The following ADCY10 variants were observed in gnomAD, a reference collection of about 807,000 sequenced individuals.
ADCY10 encodes adenylate cyclase 10.
A neutral mutation model predicts 183.3 loss-of-function variants in ADCY10; 156 were observed. The observed-to-expected ratio is 0.85, with a 90% confidence interval of 0.75 to 0.97. ADCY10 has a LOEUF of 0.97. Ranked by LOEUF, ADCY10 falls within the 50% of genes least tolerant of loss-of-function variation. ADCY10 has a pLI of 0.00. For synonymous variants in ADCY10, 645 were observed against 670.0 expected (o/e 0.96, Z 0.58); for missense variants, 1,745 against 1,934.3 (o/e 0.90, Z 1.84).
intron 13 of ADCY10, among the ~76,000 whole-genome samples, chr1:167,872,347 TAA>T (rs1667166700): frequency 7.0e-6 from 1 of 142,220 alleles, no homozygotes; most frequent in Non-Finnish European, 1.5e-5. Context: ...TCAAAAAAAA[TAA>T]AGTTTCCTAA....
At chr1:167,909,995 G>T (rs893083974) in intron 1 of ADCY10, among the ~76,000 whole-genome samples, 1 of 152,128 alleles carries the variant, frequency 6.6e-6, no homozygotes, top group African/African-American at 2.4e-5. Flanking sequence ...GCTATCTACA[G>T]ATCTCAATCT....
intron 13 of ADCY10, among the ~76,000 whole-genome samples, chr1:167,874,602 G>A (rs530001507): frequency 2.6e-4 from 37 of 141,944 alleles, no homozygotes; most frequent in Non-Finnish European, 4.5e-4. Context: ...TCAGTCCTAC[G>A]TTTTACTCCT....
Position 167,846,205 on chromosome 1 carries a change from A to G in ADCY10, c.2496T>C (p.Cys832=). ...TGAAGGTCAGGCCAATGATGGCAGCACATCTCACCAGCATTTGGTGGGAAA... is the reference window on the plus strand; with the variant it reads ...TGAAGGTCAGGCCAATGATGGCAGCGCATCTCACCAGCATTTGGTGGGAAA... ...MRLSHQMLVR[C]AAIIGLTFTT... is the part of the protein sequence containing the mutation. The change falls in exon 20 of 33, where the codon TGT becomes TGC. Residue 832 remains cysteine, a synonymous_variant. Transcript: ENST00000367851. The G allele has an allele frequency of 6.2e-7, 1 of 1,614,238 alleles. No homozygotes were observed. Among genetic ancestry groups the G allele is most frequent in the Non-Finnish European group, 8.5e-7 (1 of 1,180,052 alleles).
intron 8 of ADCY10, among the ~76,000 whole-genome samples, chr1:167,891,187 C>T (rs1165762662): frequency 2.0e-5 from 3 of 151,882 alleles, no homozygotes; most frequent in African/African-American, 7.3e-5. Flanking sequence ...GTCTTGAACT[C>T]CTGACCTGGT....
At chr1:167,888,410 A>AT (rs930197268) in intron 8 of ADCY10, among the ~76,000 whole-genome samples, 92 of 146,518 alleles carry the variant, frequency 6.3e-4, no homozygotes, top group East Asian at 1.4e-3. Context: ...AATATCTTTC[A>AT]TTTTTTTTTT....
At chr1:167,851,437 T>A (rs1050126135) in intron 18 of ADCY10, among the ~76,000 whole-genome samples, 4 of 152,142 alleles carry the variant, frequency 2.6e-5, no homozygotes, top group Admixed American at 6.5e-5. Flanking sequence ...TCCGCCCGCC[T>A]CAGACTCCCA....
At chr1:167,885,436 T>G (rs1668153666) in intron 8 of ADCY10, among the ~76,000 whole-genome samples, 1 of 152,230 alleles carries the variant, frequency 6.6e-6, no homozygotes, top group African/African-American at 2.4e-5. Context: ...TTTTTCCACA[T>G]CCTGTCCAGC....
rs549383397 is a variant in ADCY10, at chr1:167,810,151, A to G, written c.4672-312T>C. ...AAGACACGCAGACAGATGTAACACAAAGTGGAAAGTGGCCACAAAGAAGGG... is the reference window on the plus strand; with the variant it reads ...AAGACACGCAGACAGATGTAACACAGAGTGGAAAGTGGCCACAAAGAAGGG... On this transcript the variant is annotated intron_variant, in intron 32 of 32. Coordinates refer to ENST00000367851, the MANE Select transcript of ADCY10 (RefSeq NM_018417.6). 1.6e-4 allele frequency among the ~76,000 whole-genome samples: 24 copies of G among 152,340 alleles called. 1 individual carries two copies. The South Asian group carries it at 4.4e-3, about 28-fold the overall frequency.
intron 23 of ADCY10, among the ~76,000 whole-genome samples, chr1:167,835,821 C>T (rs1181685087): frequency 6.6e-6 from 1 of 152,158 alleles, no homozygotes; most frequent in Admixed American, 6.5e-5. Flanking sequence ...TCCCGGGAGG[C>T]AGACGTTGCA....
At chr1:167,861,095 A>T (rs758496739) in intron 14 of ADCY10, 32 bp from the exon 15 acceptor site, 17 of 1,571,150 alleles carry the variant, frequency 1.1e-5, no homozygotes, top group South Asian at 3.4e-5. Context: ...AACAGAAGAG[A>T]GTTTTTAAAT....
Position 167,880,201 on chromosome 1 carries a change from G to A in ADCY10, c.1140-10C>T, listed in dbSNP as rs1667772823. 1 of 1,609,854 alleles carries A rather than the reference G, an allele frequency of 6.2e-7. No homozygotes were observed. Among genetic ancestry groups the A allele is most frequent in the South Asian group, 1.1e-5 (1 of 90,340 alleles). On this transcript the variant is annotated splice_polypyrimidine_tract_variant and intron_variant, in intron 10 of 32. Transcript: ENST00000367851. ...ACCGATGGATACAGTTCTGGTGCAG[G>A]GGAGACAAGATTTGTGGGGAAAGAA...
At chr1:167,904,143 AATGGT>A in intron 2 of ADCY10, 152 bp from the exon 3 acceptor site, 2 of 571,686 alleles carry the variant, frequency 3.5e-6, no homozygotes, top group Non-Finnish European at 6.1e-6. Context: ...GCTGGAGGGC[AATGGT>A]GTGATCTCAG....
At position 167,853,830 on chromosome 1, in the gene ADCY10, C is replaced by CTTTTTTTTTTTTT. The variant is rs538462140; in HGVS notation, c.2308+510_2308+522dup. On this transcript the variant is annotated intron_variant, in intron 18 of 32. Transcript: ENST00000367851. ...TGTTCTTTCATTTCTACTATAGTTA[C>CTTTTTTTTTTTTT]TTTTTTTTTTTTTTTTTTTTTTTTT... Among the ~76,000 whole-genome samples, 614 of 77,172 alleles carry CTTTTTTTTTTTTT rather than the reference C, an allele frequency of 8.0e-3. 75 individuals carry two copies. The highest frequency in any genetic ancestry group is 9.6e-3 in the Non-Finnish European group (405 of 42,136). 50.6% of individuals were successfully genotyped at this position (77,172 alleles called of 152,430 possible).
At chr1:167,874,392 C>T (rs1351151514) in intron 13 of ADCY10, among the ~76,000 whole-genome samples, 2 of 151,924 alleles carry the variant, frequency 1.3e-5, no homozygotes, top group Admixed American at 1.3e-4. Flanking sequence ...AGGAGCTCAA[C>T]CACATCAGGG....
At chr1:167,831,055 T>C (rs1348110525) in intron 25 of ADCY10, among the ~76,000 whole-genome samples, 2 of 152,214 alleles carry the variant, frequency 1.3e-5, no homozygotes, top group African/African-American at 4.8e-5. Context: ...CCGACCACCT[T>C]GGGCACATGT....
intron 25 of ADCY10, among the ~76,000 whole-genome samples, chr1:167,831,302 G>T (rs1354455051): frequency 2.0e-5 from 3 of 152,006 alleles, no homozygotes; most frequent in Non-Finnish European, 4.4e-5. Context: ...CAATTCCCCT[G>T]CCTCAACCTT....
chr1:167,910,771 T>G (rs974579281), intron 1 of ADCY10, among the ~76,000 whole-genome samples: 1 of 152,220 alleles, frequency 6.6e-6, no homozygotes, highest in African/African-American at 2.4e-5. Context: ...TGAGCAGAAC[T>G]GAGCAGGGCG....
rs754006403 is a variant in ADCY10 at position 167,833,118 on chromosome 1, C to T, written c.3462G>A (p.Leu1154=). The T allele has an allele frequency of 1.2e-6, 2 of 1,614,190 alleles. No individual in the cohort carries two copies. Among genetic ancestry groups the T allele is most frequent in the South Asian group, 2.2e-5 (2 of 91,084 alleles). The change falls in exon 25 of 33, where the codon CTG becomes CTA. Residue 1154 remains leucine (L), a synonymous_variant. Coordinates refer to ENST00000367851, the MANE Select transcript of ADCY10 (RefSeq NM_018417.6). The part of the protein sequence containing the change: ...MGQIVLAKKM[L]RKALKLLNRI... ...GGTTGAGGAGCTTCAGTGCCTTCCT[C>T]AGCATTTTCTTGGCAAGCACTATCT...
intron 18 of ADCY10, among the ~76,000 whole-genome samples, chr1:167,849,996 A>T (rs943245418): frequency 6.6e-6 from 1 of 152,142 alleles, no homozygotes; most frequent in African/African-American, 2.4e-5. Flanking sequence ...GGAGGGCATT[A>T]AACACCATAA....
Sources: allele counts gnomAD v4.1 joint callset (sites outside exome capture counted in the v4.1 genomes callset), GRCh38; gene constraint gnomAD v4.1.1; transcripts MANE v1.5; gene names NCBI Gene and HGNC (gene_info 2026-07-23, HGNC 2026-07-21).